The following PRKD3 variants were observed in gnomAD, a reference collection of about 807,000 sequenced individuals.
The protein encoded by PRKD3 is serine/threonine-protein kinase D3.
Under a neutral mutation model 99.2 loss-of-function variants are expected in PRKD3, and 47 were observed. The observed-to-expected ratio is 0.47, with a 90% CI of 0.38 to 0.60. The LOEUF is 0.60. Among genes scored for constraint, PRKD3 ranks in the 20% least tolerant of loss-of-function variants. The probability of loss-of-function intolerance (pLI) is 0.00; values close to 1 mark genes in which losing one functional copy is unlikely to be tolerated. For synonymous variants in PRKD3, 392 were observed against 355.4 expected (o/e 1.10, Z -1.16); for missense variants, 1,019 against 1,088.4 (o/e 0.94, Z 0.90).
At position 37,251,797 on chromosome 2, in the gene PRKD3, G is replaced by C. The variant is rs1667524812; in HGVS notation, c.*1380C>G. On this transcript the variant is annotated 3_prime_UTR_variant, in exon 19 of 19. Coordinates refer to ENST00000234179, the MANE Select transcript of PRKD3 (RefSeq NM_005813.6). ...GGAACTGCCGACAGACCTGCCATCT[G>C]TCCAGGCCAACATAACTAACAAGTA... is the stretch of plus-strand genomic sequence containing the variant. 1 of 151,702 alleles carries C rather than the reference G, an allele frequency of 6.6e-6. No individual in the cohort carries two copies. The highest frequency in any genetic ancestry group is 1.5e-5 in the Non-Finnish European group (1 of 67,976). 9.4% of individuals were successfully genotyped at this position (151,702 alleles called of 1,614,324 possible). A position where few individuals can be genotyped will look rare whatever the true frequency, so the allele number is the denominator to read the frequency against.
intron 11 of PRKD3, among the ~76,000 whole-genome samples, chr2:37,273,842 G>C (rs938310847): frequency 2.6e-5 from 4 of 152,168 alleles, no homozygotes; most frequent in Non-Finnish European, 5.9e-5. Flanking sequence ...GTTTACTTTT[G>C]AAACTTTATC....
rs1329397553 is a variant in PRKD3, at chr2:37,324,807, C to T, written c.-782G>A. 2.7e-5 allele frequency: 4 copies of T among 150,720 alleles called. No homozygotes were observed. The highest frequency in any genetic ancestry group is 9.7e-5 in the African/African-American group (4 of 41,276). 9.3% of individuals were successfully genotyped at this position (150,720 alleles called of 1,614,324 possible). A position where few individuals can be genotyped will look rare whatever the true frequency, so the allele number is the denominator to read the frequency against. ...CTCCGGCGCCCCTTCCTCCCTCCCT[C>T]CCCGTCCCGTCCTGGGGCCGGAGGG... On this transcript the variant is annotated 5_prime_UTR_variant, in exon 1 of 19. Transcript: ENST00000234179.
At chr2:37,295,534 G>T (rs190241728) in intron 2 of PRKD3, among the ~76,000 whole-genome samples, 3 of 152,154 alleles carry the variant, frequency 2.0e-5, no homozygotes, top group African/African-American at 7.2e-5. Context: ...AACCCCACTG[G>T]CACCATACTA....
chr2:37,288,087 G>C (rs973467600), intron 5 of PRKD3, among the ~76,000 whole-genome samples: 1 of 152,138 alleles, frequency 6.6e-6, no homozygotes, highest in Non-Finnish European at 1.5e-5. Context: ...AATGAAAAAT[G>C]TAACACCTTA....
intron 3 of PRKD3, among the ~76,000 whole-genome samples, chr2:37,291,678 G>A (rs1313246211): frequency 6.6e-6 from 1 of 152,158 alleles, no homozygotes; most frequent in East Asian, 1.9e-4. Context: ...TATAGAAGAT[G>A]AATGATCAGT....
chr2:37,305,695 C>G (rs1392673086), intron 2 of PRKD3, among the ~76,000 whole-genome samples: 3 of 152,100 alleles, frequency 2.0e-5, no homozygotes, highest in Non-Finnish European at 4.4e-5. Flanking sequence ...ACGTTAAATG[C>G]TAAAATCAAA....
intron 13 of PRKD3, chr2:37,269,355 C>T: frequency 2.3e-6 from 1 of 441,066 alleles, no homozygotes; most frequent in Non-Finnish European, 4.2e-6. Flanking sequence ...CTCCGACAAA[C>T]ATCTGTATGT....
intron 11 of PRKD3, among the ~76,000 whole-genome samples, 163 bp from the exon 12 acceptor site, chr2:37,272,595 T>C (rs1669339652): frequency 6.6e-6 from 1 of 152,284 alleles, no homozygotes; most frequent in Middle Eastern, 3.4e-3. Context: ...AACAGGAAAC[T>C]AGATAAAATA....
chr2:37,277,818 C>G (rs1244785403), intron 9 of PRKD3, 48 bp downstream of exon 9: 1 of 1,589,376 alleles, frequency 6.3e-7, no homozygotes, highest in Non-Finnish European at 8.6e-7. Context: ...CAGAATGAAA[C>G]TCATAACAAA....
At chr2:37,260,141 G>A (rs757901671) in intron 15 of PRKD3, 82 bp downstream of exon 15, 3 of 1,293,118 alleles carry the variant, frequency 2.3e-6, no homozygotes, top group African/African-American at 3.0e-5. Flanking sequence ...TCCAGCCCAG[G>A]TGACAGAGTA....
At chr2:37,307,269 C>G (rs982718128) in intron 2 of PRKD3, among the ~76,000 whole-genome samples, 2 of 152,254 alleles carry the variant, frequency 1.3e-5, no homozygotes, top group East Asian at 1.9e-4. Flanking sequence ...GTCCAAAGTC[C>G]TAATCCACAT....
chr2:37,271,949 T>G (rs1669293781), intron 12 of PRKD3, among the ~76,000 whole-genome samples: 1 of 152,186 alleles, frequency 6.6e-6, no homozygotes, highest in Non-Finnish European at 1.5e-5. Flanking sequence ...AAGAGTCCAT[T>G]TCCTGCTTCC....
Position 37,254,155 on chromosome 2 carries a change from T to C in PRKD3, c.2499+49A>G, listed in dbSNP as rs375544773. 18 of 1,374,396 alleles carry C rather than the reference T, an allele frequency of 1.3e-5. No homozygotes were observed. In the African/African-American group the frequency reaches 2.4e-4, roughly 19 times the overall value. The allele number at this position is 1,374,396 out of a possible 1,614,324, so 85.1% of individuals were successfully genotyped here. A position where few individuals can be genotyped will look rare whatever the true frequency, so the allele number is the denominator to read the frequency against. On this transcript the variant is annotated intron_variant, in intron 18 of 18. Transcript: ENST00000234179. ...TCTCATTAGGTGGGACAAATCAGAG[T>C]GAACTACTCAAATGAGGATTGCCAA...
rs548219591 is a variant in PRKD3 at position 37,315,265 on chromosome 2, C to T, written c.288+972G>A. 5.5e-4 allele frequency among the ~76,000 whole-genome samples: 83 copies of T among 152,180 alleles called. No homozygotes were observed. In the South Asian group the frequency reaches 0.015, roughly 27 times the overall value. On this transcript the variant is annotated intron_variant, in intron 2 of 18. Coordinates refer to ENST00000234179, the MANE Select transcript of PRKD3 (RefSeq NM_005813.6). ...AACATACTAGCCTCATCCATCAAAT[C>T]GGGATTATTAAAGATATTTAGCTAA...
intron 2 of PRKD3, among the ~76,000 whole-genome samples, chr2:37,307,410 T>C (rs1285202806): frequency 3.9e-5 from 6 of 152,208 alleles, no homozygotes; most frequent in Non-Finnish European, 8.8e-5. Flanking sequence ...TCTGACAATC[T>C]AAGCTAGTGG....
At chr2:37,289,167 C>A (rs1356798050) in intron 5 of PRKD3, among the ~76,000 whole-genome samples, 189 bp downstream of exon 5, 1 of 151,940 alleles carries the variant, frequency 6.6e-6, no homozygotes, top group Non-Finnish European at 1.5e-5. Context: ...TAATACCATC[C>A]CAAGGTGTAC....
At chr2:37,297,147 C>T (rs1670710670) in intron 2 of PRKD3, among the ~76,000 whole-genome samples, 1 of 152,056 alleles carries the variant, frequency 6.6e-6, no homozygotes, top group Non-Finnish European at 1.5e-5. Context: ...AGGAGTGGAT[C>T]TCTAAACAAT....
At chr2:37,307,757 A>ACT (rs1671225693) in intron 2 of PRKD3, among the ~76,000 whole-genome samples, 1 of 152,128 alleles carries the variant, frequency 6.6e-6, no homozygotes, top group Admixed American at 6.6e-5. Flanking sequence ...ACTCCACCCT[A>ACT]CTCCACCCTT....
intron 6 of PRKD3, among the ~76,000 whole-genome samples, chr2:37,285,230 T>C (rs1206940698): frequency 6.6e-6 from 1 of 152,194 alleles, no homozygotes; most frequent in African/African-American, 2.4e-5. Context: ...CACTCTACTG[T>C]GAAAAGTTTC....
Sources: allele counts gnomAD v4.1 joint callset (sites outside exome capture counted in the v4.1 genomes callset), GRCh38; gene constraint gnomAD v4.1.1; transcripts MANE v1.5; gene names NCBI Gene and HGNC (gene_info 2026-07-23, HGNC 2026-07-21).